The following MYRFL variants were observed in gnomAD, a reference collection of about 807,000 sequenced individuals.
The protein encoded by MYRFL is myelin regulatory factor like.
A neutral mutation model predicts 109.4 loss-of-function variants in MYRFL; 88 were observed. That is an observed-to-expected ratio of 0.80 (90% confidence interval 0.68 to 0.96). MYRFL has a LOEUF of 0.96. MYRFL is among the 40% of genes least tolerant of loss of function. The pLI, the probability that MYRFL is intolerant of heterozygous loss-of-function variation, is 0.00. For missense variants in MYRFL, 957 were observed against 954.9 expected (o/e 1.00, Z -0.03); for synonymous variants, 324 against 320.9 (o/e 1.01, Z -0.10).
chr12:69,829,016 A>T (rs1320147569), intron 1 of MYRFL, among the ~76,000 whole-genome samples: 2 of 152,100 alleles, frequency 1.3e-5, no homozygotes, highest in Non-Finnish European at 2.9e-5. Context: ...ATTCCCGCCC[A>T]GATTGAGCAG....
At chr12:69,928,739 G>A (rs1955177584) in intron 15 of MYRFL, among the ~76,000 whole-genome samples, 2 of 152,160 alleles carry the variant, frequency 1.3e-5, no homozygotes, top group Non-Finnish European at 2.9e-5. Context: ...ATTGTTGATG[G>A]GATTTAAATT....
Position 69,936,562 on chromosome 12 carries a change from G to A in MYRFL, c.2154G>A (p.Met718Ile). 1 of 1,536,214 alleles carries A rather than the reference G, an allele frequency of 6.5e-7. No individual in the cohort carries two copies. The highest frequency in any genetic ancestry group is 8.7e-7 in the Non-Finnish European group (1 of 1,146,928). The change falls in exon 19 of 25, where the codon ATG becomes ATA. Residue 718 changes from methionine to isoleucine, a missense_variant. Physicochemically the swap from Met to Ile is conservative, Grantham distance 10. Coordinates refer to ENST00000552032, the MANE Select transcript of MYRFL (RefSeq NM_182530.3). ...CTTATTGCTGCCCCATCCGGGGAAT[G>A]AAAGAAGTCTCTTCAAGTCCTGTGC... ...QETYCCPIRG[M>I]KEVSSSPVQR...
chr12:69,906,520 G>A (rs1303292174), intron 11 of MYRFL, among the ~76,000 whole-genome samples: 3 of 152,104 alleles, frequency 2.0e-5, no homozygotes, highest in African/African-American at 7.2e-5. Flanking sequence ...CAAATTCTGT[G>A]GTGAAGGCTG....
chr12:69,932,718 A>G (rs77083992), intron 16 of MYRFL, 120 bp downstream of exon 16: 75,265 of 689,712 alleles, frequency 0.11, 5,339 homozygotes, highest in Middle Eastern at 0.14. Flanking sequence ...CCTTTAAACT[A>G]GACACTGAAC....
intron 13 of MYRFL, among the ~76,000 whole-genome samples, chr12:69,911,191 G>T (rs1260293891): frequency 6.6e-6 from 1 of 152,172 alleles, no homozygotes; most frequent in Non-Finnish European, 1.5e-5. Context: ...ATCTTAACTG[G>T]CACTAGGAAA....
intron 2 of MYRFL, among the ~76,000 whole-genome samples, chr12:69,860,427 T>C (rs756436061): frequency 6.6e-6 from 1 of 152,212 alleles, no homozygotes; most frequent in Non-Finnish European, 1.5e-5. Context: ...GTTTTTGTTA[T>C]ATATCTTTTG....
intron 7 of MYRFL, among the ~76,000 whole-genome samples, chr12:69,892,750 T>C (rs1343360246): frequency 1.3e-5 from 2 of 152,242 alleles, no homozygotes; most frequent in African/African-American, 2.4e-5. Flanking sequence ...TGATTATGAA[T>C]GTAATATAAG....
intron 19 of MYRFL, among the ~76,000 whole-genome samples, chr12:69,940,249 G>A (rs1955601864): frequency 1.3e-5 from 2 of 151,384 alleles, no homozygotes; most frequent in Admixed American, 1.3e-4. Context: ...ACACATAATT[G>A]TCAGATTCAC....
Position 69,825,529 on chromosome 12 carries a change from A to G in MYRFL, c.12A>G (p.Val4=), listed in dbSNP as rs1020029527. The G allele has an allele frequency of 5.7e-6, 4 of 701,906 alleles. No individual in the cohort carries two copies. The African/African-American group carries it at 7.0e-5, about 12-fold the overall frequency. 43.5% of individuals were successfully genotyped at this position (701,906 alleles called of 1,614,324 possible). A position where few individuals can be genotyped will look rare whatever the true frequency, so the allele number is the denominator to read the frequency against. The change falls in exon 1 of 25, where the codon GTA becomes GTG. Residue 4 remains valine (V), a synonymous_variant. Coordinates refer to ENST00000552032, the MANE Select transcript of MYRFL (RefSeq NM_182530.3). ...AGGATCACAGTACCATGGATGTGGT[A>G]GGCGAAAATGAGGCCCTGCAGCAGT... is the stretch of plus-strand genomic sequence containing the variant. The part of the protein sequence containing the change: MDV[V]GENEALQQFF...
At chr12:69,939,793 G>T (rs1677678779) in intron 19 of MYRFL, among the ~76,000 whole-genome samples, 1 of 151,746 alleles carries the variant, frequency 6.6e-6, no homozygotes, top group Admixed American at 6.6e-5. Context: ...TGAAAACTTT[G>T]AAAAAAATTT....
intron 14 of MYRFL, 115 bp downstream of exon 14, chr12:69,926,849 T>C: frequency 3.2e-6 from 3 of 941,312 alleles, no homozygotes; most frequent in Non-Finnish European, 4.2e-6. Context: ...TACTTTCTGA[T>C]AATGAAGTCT....
intron 11 of MYRFL, among the ~76,000 whole-genome samples, chr12:69,908,289 T>G (rs1216143346): frequency 6.6e-6 from 1 of 152,224 alleles, no homozygotes; most frequent in African/African-American, 2.4e-5. Flanking sequence ...AGACAAAGAA[T>G]GAAGTTGACA....
chr12:69,907,733 CT>C (rs1332090611), intron 11 of MYRFL, among the ~76,000 whole-genome samples: 1 of 152,192 alleles, frequency 6.6e-6, no homozygotes, highest in Non-Finnish European at 1.5e-5. Context: ...TTGCTCGGTA[CT>C]GTGCAGGTCC....
chr12:69,934,641 A>C (rs1295414237), intron 16 of MYRFL, among the ~76,000 whole-genome samples: 1 of 152,198 alleles, frequency 6.6e-6, no homozygotes, highest in Non-Finnish European at 1.5e-5. Flanking sequence ...TTGAGCAAAG[A>C]AAACAGCTCT....
rs1433543784 is a variant in MYRFL, at chr12:69,936,587, C to G, written c.2179C>G (p.Gln727Glu). Residue 727 changes from glutamine (Q) to glutamate (E), a missense_variant, in exon 19 of 25, where the codon CAA (glutamine) becomes GAA (glutamate). Physicochemically the swap from Gln to Glu is conservative, Grantham distance 29. Transcript: ENST00000552032. The part of the protein sequence containing the change: ...GMKEVSSSPV[Q>E]RQSEEKEFHQ... ...GAAAGAAGTCTCTTCAAGTCCTGTG[C>G]AAAGACAATCTGAGGAGAAGGAATT... The G allele has an allele frequency of 1.3e-6, 2 of 1,534,930 alleles. No individual in the cohort carries two copies. Among genetic ancestry groups the G allele is most frequent in the Non-Finnish European group, 1.7e-6 (2 of 1,146,172 alleles).
Position 69,825,396 on chromosome 12 carries a change from AT to A in MYRFL, c.-121del. 1.4e-6 allele frequency: 1 copy of A among 690,490 alleles called. No individual in the cohort carries two copies. The allele number at this position is 690,490 out of a possible 1,614,324, so 42.8% of individuals were successfully genotyped here. ...ATGGCTGAAGATATGCTTCACTCCA[AT>A]AAAAAGAAAATGAAGATTTTTCAAG... is the stretch of plus-strand genomic sequence containing the variant. On this transcript the variant is annotated 5_prime_UTR_variant, in exon 1 of 25. It introduces an in-frame stop codon into an upstream open reading frame of the 5' UTR. Transcript: ENST00000552032.
At chr12:69,877,535 A>G (rs1885765672) in intron 2 of MYRFL, among the ~76,000 whole-genome samples, 1 of 151,990 alleles carries the variant, frequency 6.6e-6, no homozygotes, top group African/African-American at 2.4e-5. Flanking sequence ...GTTATCATCT[A>G]TTCTATTTCT....
intron 13 of MYRFL, among the ~76,000 whole-genome samples, chr12:69,914,071 A>T (rs1954660396): frequency 6.6e-6 from 1 of 151,826 alleles, no homozygotes; most frequent in East Asian, 1.9e-4. Context: ...TGTAAGAGGG[A>T]TTTTTTTCCT....
intron 1 of MYRFL, among the ~76,000 whole-genome samples, chr12:69,826,612 G>T (rs543043544): frequency 6.1e-4 from 93 of 152,034 alleles, no homozygotes; most frequent in Admixed American, 1.0e-3. Flanking sequence ...TACTGTCCTT[G>T]TTTATACTAT....
Sources: allele counts gnomAD v4.1 joint callset (sites outside exome capture counted in the v4.1 genomes callset), GRCh38; gene constraint gnomAD v4.1.1; transcripts MANE v1.5; gene names NCBI Gene and HGNC (gene_info 2026-07-23, HGNC 2026-07-21).